The following MGST1 variants were observed in gnomAD, a reference collection of about 807,000 sequenced individuals.
The protein encoded by MGST1 is microsomal glutathione S-transferase 1.
MGST1 carries 5 observed loss-of-function variants against 8.9 expected under a neutral mutation model. That is an observed-to-expected ratio of 0.56 (90% CI 0.29 to 1.19). The LOEUF is 1.19. MGST1 is among the 50% of genes most tolerant of loss of function. The pLI, the probability that MGST1 is intolerant of heterozygous loss-of-function variation, is 0.08. For missense variants in MGST1, 182 were observed against 187.4 expected (o/e 0.97, Z 0.17); for synonymous variants, 54 against 67.8 (o/e 0.80, Z 1.00).
intron 1 of MGST1, among the ~76,000 whole-genome samples, chr12:16,405,179 G>A (rs1940689640): frequency 6.6e-6 from 1 of 151,914 alleles, no homozygotes; most frequent in Admixed American, 6.6e-5. Context: ...AATCAAAATC[G>A]AGCTGAACCA....
chr12:16,476,742 C>A (rs1277795398), intron 4 of MGST1, among the ~76,000 whole-genome samples: 6 of 152,024 alleles, frequency 3.9e-5, no homozygotes, highest in Admixed American at 3.9e-4. Flanking sequence ...AAAGAGCATT[C>A]CAGATTGATG....
chr12:16,577,610 G>A (rs771722472), intron 4 of MGST1, among the ~76,000 whole-genome samples: 25 of 152,260 alleles, frequency 1.6e-4, no homozygotes, highest in Non-Finnish European at 3.4e-4. Context: ...TTGTGGTATA[G>A]TTTTGGAAGA....
intron 4 of MGST1, among the ~76,000 whole-genome samples, chr12:16,558,209 A>ATAGAC (rs1252576680): frequency 6.6e-6 from 1 of 152,086 alleles, no homozygotes; most frequent in Non-Finnish European, 1.5e-5. Flanking sequence ...CATTTGTCCT[A>ATAGAC]TAGACATAGG....
intron 4 of MGST1, among the ~76,000 whole-genome samples, chr12:16,569,802 T>C (rs1209363073): frequency 6.6e-6 from 1 of 152,070 alleles, no homozygotes; most frequent in African/African-American, 2.4e-5. Flanking sequence ...ACTAGAGTAT[T>C]AAAAGGGAGA....
At chr12:16,543,788 G>A (rs1188799593) in intron 4 of MGST1, among the ~76,000 whole-genome samples, 1 of 152,028 alleles carries the variant, frequency 6.6e-6, no homozygotes, top group East Asian at 1.9e-4. Context: ...CAGTTTCAAT[G>A]GGAAAAATGT....
downstream of MGST1, among the ~76,000 whole-genome samples, chr12:16,440,403 T>G (rs1381175063): frequency 6.6e-6 from 1 of 151,800 alleles, no homozygotes; most frequent in Non-Finnish European, 1.5e-5. Flanking sequence ...CAATACCTTC[T>G]CCCTGCCACT....
At chr12:16,406,426 T>C (rs1940698359) in intron 1 of MGST1, among the ~76,000 whole-genome samples, 1 of 152,134 alleles carries the variant, frequency 6.6e-6, no homozygotes, top group Admixed American at 6.6e-5. Flanking sequence ...CGCAAACAAA[T>C]GGAAAAACAT....
intron 4 of MGST1, among the ~76,000 whole-genome samples, chr12:16,470,369 T>G (rs34392): frequency 2.6e-5 from 4 of 152,184 alleles, no homozygotes; most frequent in Non-Finnish European, 5.9e-5. Context: ...TCCAATTAGG[T>G]TGAGTTTGCT....
At chr12:16,510,327 T>C (rs1315166157) in intron 4 of MGST1, among the ~76,000 whole-genome samples, 1 of 151,778 alleles carries the variant, frequency 6.6e-6, no homozygotes, top group Non-Finnish European at 1.5e-5. Context: ...AAAGAAGAGA[T>C]GAAAGGAGAG....
chr12:16,426,997 A>AACAGAATTATAT (rs1158295714), intron 1 of MGST1, among the ~76,000 whole-genome samples: 1 of 151,970 alleles, frequency 6.6e-6, no homozygotes, highest in Non-Finnish European at 1.5e-5. Flanking sequence ...AGCTGAACAA[A>AACAGAATTATAT]ACAGAATTAT....
At chr12:16,373,280 G>A (rs912949483) in intron 3 of MGST1, among the ~76,000 whole-genome samples, 8 of 151,672 alleles carry the variant, frequency 5.3e-5, no homozygotes, top group African/African-American at 7.3e-5. Context: ...GGATAAAGAG[G>A]GGTTGAGGAA....
At position 16,394,552 on chromosome 12, in the gene MGST1, T is replaced by C. The variant is rs759374839; in HGVS notation, n.778+10948T>C. Among the ~76,000 whole-genome samples the C allele has an allele frequency of 8.2e-4, 93 of 113,076 alleles. 5 individuals are homozygous for C. The highest frequency in any genetic ancestry group is 3.4e-3 in the East Asian group (11 of 3,212). The allele number at this position is 113,076 out of a possible 152,430, so 74.2% of individuals were successfully genotyped here. ...TTTCTTTCTTTCTTTCTTTCTTTCT[T>C]TCTTTCTTTCTTTCTTTCTTTCTTC... On this transcript the variant is annotated intron_variant and non_coding_transcript_variant, in intron 1 of 1. Coordinates refer to the MGST1 transcript ENST00000359720.
At chr12:16,400,432 TATA>T in intron 1 of MGST1, 1 of 809,646 alleles carries the variant, frequency 1.2e-6, no homozygotes, top group East Asian at 2.4e-5. Context: ...TGGGCGAATG[TATA>T]GATCTTTCAG....
chr12:16,380,231 G>A (rs1405075764), downstream of MGST1, among the ~76,000 whole-genome samples: 1 of 152,054 alleles, frequency 6.6e-6, no homozygotes, highest in African/African-American at 2.4e-5. Context: ...TAATTGTGAT[G>A]TTAGGGTGTC....
rs550062537 is a variant in MGST1 at position 16,410,516 on chromosome 12, G to C, written n.779-26872G>C. 6.6e-6 allele frequency among the ~76,000 whole-genome samples: 1 copy of C among 150,718 alleles called. No individual in the cohort carries two copies. The highest frequency in any genetic ancestry group is 6.6e-5 in the Admixed American group (1 of 15,086). Reference sequence around the variant, plus strand: ...AAAAGCATATATGTTGGTATATATTGCATATATGTGTATATATTTGATTAT... The same window carrying C: ...AAAAGCATATATGTTGGTATATATTCCATATATGTGTATATATTTGATTAT... On this transcript the variant is annotated intron_variant and non_coding_transcript_variant, in intron 1 of 1. Coordinates refer to the MGST1 transcript ENST00000359720. This position sits in a 1 kb window ranked among gnomAD's most constrained non-coding sequence, Gnocchi z 4.4.
downstream of MGST1, among the ~76,000 whole-genome samples, chr12:16,441,515 G>A (rs2216204): frequency 0.15 from 22,122 of 151,824 alleles, 2,004 homozygotes; most frequent in East Asian, 0.43. Flanking sequence ...CCTGTTGCTA[G>A]CGATCATTGA....
rs572393573 is a variant in MGST1 at position 16,482,355 on chromosome 12, G to A, written n.482+98751G>A. ...AAGTATAAAAAAAAGAGCAAGGGCC[G>A]GGTGCAGTGGCTCACGCCTGTAATC... On this transcript the variant is annotated intron_variant and non_coding_transcript_variant, in intron 4 of 4. Transcript: ENST00000538857. This position sits in a 1 kb window ranked among gnomAD's most constrained non-coding sequence, Gnocchi z 4.2. Among the ~76,000 whole-genome samples, 14 of 152,274 alleles carry A rather than the reference G, an allele frequency of 9.2e-5. No homozygotes were observed. In the East Asian group the frequency reaches 1.7e-3, roughly 19 times the overall value.
chr12:16,506,323 C>T (rs1386921033), intron 4 of MGST1, among the ~76,000 whole-genome samples: 1 of 152,052 alleles, frequency 6.6e-6, no homozygotes, highest in Admixed American at 6.5e-5. Context: ...AGTTTTGGGA[C>T]CTGAATATTT....
intron 4 of MGST1, among the ~76,000 whole-genome samples, chr12:16,501,052 G>A (rs1216365299): frequency 6.8e-6 from 1 of 147,560 alleles, no homozygotes; most frequent in Non-Finnish European, 1.5e-5. Flanking sequence ...GTTGCAGTGA[G>A]CCGAGATGGT....
Sources: gnomAD v4.1 joint callset for allele counts (sites outside exome capture counted in the v4.1 genomes callset) on GRCh38, gnomAD v4.1.1 for gene constraint, Gnocchi (gnomAD v3.1) non-coding constraint, MANE v1.5 for transcripts, NCBI Gene and HGNC (gene_info 2026-07-23, HGNC 2026-07-21) for gene names.